Variants in GIPC2 observed in about 807,000 individuals in gnomAD.
GIPC2 encodes GIPC PDZ domain containing family member 2.
A neutral mutation model predicts 30.6 loss-of-function variants in GIPC2; 30 were observed. The observed-to-expected ratio is 0.98, with a 90% CI of 0.73 to 1.33. GIPC2 has a LOEUF of 1.33. Among genes scored for constraint, GIPC2 ranks in the 40% most tolerant of loss-of-function variants. The pLI is 0.00. For synonymous variants in GIPC2, 167 were observed against 150.0 expected (o/e 1.11, Z -0.83); for missense variants, 414 against 390.3 (o/e 1.06, Z -0.51).
intron 1 of GIPC2, among the ~76,000 whole-genome samples, chr1:78,074,967 A>G (rs1661688921): frequency 6.6e-6 from 1 of 152,234 alleles, no homozygotes; most frequent in South Asian, 2.1e-4. Flanking sequence ...ACAAGGCATA[A>G]TGATTCTATC....
At chr1:78,048,005 T>G (rs1165195384) in intron 1 of GIPC2, among the ~76,000 whole-genome samples, 1 of 152,222 alleles carries the variant, frequency 6.6e-6, no homozygotes, top group Non-Finnish European at 1.5e-5. Context: ...TTACAGATGG[T>G]CCTGGGTTTA....
At chr1:78,123,690 A>G (rs79557263) in intron 4 of GIPC2, among the ~76,000 whole-genome samples, 2,958 of 152,340 alleles carry the variant, frequency 0.019, 51 homozygotes, top group South Asian at 0.079. Context: ...TGGATGGAGA[A>G]GAGGTGATAG....
At chr1:78,093,286 C>G (rs1217448018) in intron 2 of GIPC2, among the ~76,000 whole-genome samples, 1 of 152,116 alleles carries the variant, frequency 6.6e-6, no homozygotes, top group Non-Finnish European at 1.5e-5. Context: ...TTGAGAAACT[C>G]TAGTTGTACT....
chr1:78,053,300 GT>G (rs1661227476), intron 1 of GIPC2, among the ~76,000 whole-genome samples: 2 of 152,112 alleles, frequency 1.3e-5, no homozygotes, highest in Non-Finnish European at 2.9e-5. Context: ...TTACAGATAG[GT>G]TTACTAAGAT....
Position 78,135,773 on chromosome 1 carries a change from C to G in GIPC2, c.*30C>G. On this transcript the variant is annotated 3_prime_UTR_variant, in exon 6 of 6. Coordinates refer to ENST00000370759, the MANE Select transcript of GIPC2 (RefSeq NM_017655.6). ...TACACTCCATCTCTGAAGAAACAAC[C>G]CATCGTTCTTTTTTTTCTCTTTTTT... 2 of 1,566,232 alleles carry G rather than the reference C, an allele frequency of 1.3e-6. No individual in the cohort carries two copies. Among genetic ancestry groups the G allele is most frequent in the Non-Finnish European group, 1.7e-6 (2 of 1,161,956 alleles).
intron 1 of GIPC2, 103 bp downstream of exon 1, chr1:78,046,437 GCGAAATC>G: frequency 9.0e-7 from 1 of 1,105,764 alleles, no homozygotes; most frequent in Non-Finnish European, 1.3e-6. Context: ...TTCCCGGAGC[GCGAAATC>G]CGATGCCGTG....
At chr1:78,118,628 G>A (rs1042506538) in intron 3 of GIPC2, among the ~76,000 whole-genome samples, 1 of 152,168 alleles carries the variant, frequency 6.6e-6, no homozygotes, top group South Asian at 2.1e-4. Context: ...TGTCTGCAGG[G>A]AATTCCTTCC....
In GIPC2 at chr1:78,060,761, C is replaced by T. The variant is rs545582222; in HGVS notation, c.240+14427C>T. On this transcript the variant is annotated intron_variant, in intron 1 of 5. Coordinates refer to ENST00000370759, the MANE Select transcript of GIPC2 (RefSeq NM_017655.6). ...AAAGATGTGGGCCACCCAGAACCAT[C>T]TATTGTAACCACTTTCTTTACTGTC... Among the ~76,000 whole-genome samples the T allele has an allele frequency of 2.0e-5, 3 of 151,810 alleles. No individual in the cohort carries two copies. The South Asian group carries it at 6.3e-4, about 32-fold the overall frequency.
intron 3 of GIPC2, among the ~76,000 whole-genome samples, chr1:78,103,734 C>T (rs1662293001): frequency 6.6e-6 from 1 of 152,098 alleles, no homozygotes; most frequent in African/African-American, 2.4e-5. Flanking sequence ...TTTATCTGAG[C>T]GCTGACTTGT....
chr1:78,123,716 G>C (rs140807985), intron 4 of GIPC2, among the ~76,000 whole-genome samples: 1 of 152,168 alleles, frequency 6.6e-6, no homozygotes, highest in Admixed American at 6.5e-5. Flanking sequence ...GATCTGTTCC[G>C]TAGCAAATAG....
chr1:78,045,706 G>A, upstream of GIPC2: 2 of 985,492 alleles, frequency 2.0e-6, no homozygotes, highest in Non-Finnish European at 2.4e-6. Context: ...CAAATCATGC[G>A]TGGGTGCCTA....
rs1300122222 is a variant in GIPC2 at position 78,099,443 on chromosome 1, C to CT, written c.607+4324dup. 7.0e-3 allele frequency among the ~76,000 whole-genome samples: 999 copies of CT among 143,470 alleles called. 14 individuals carry two copies. Among genetic ancestry groups the CT allele is most frequent in the African/African-American group, 0.022 (861 of 39,126 alleles). 94.1% of individuals were successfully genotyped at this position (143,470 alleles called of 152,430 possible). Reference sequence around the variant, plus strand: ...CTTTCTTTTCTTTTCTTTTCTCTTTCTTTTTTTTTTTTTGAGACGGAGTTT... The same window carrying CT: ...CTTTCTTTTCTTTTCTTTTCTCTTTCTTTTTTTTTTTTTTGAGACGGAGTTT... On this transcript the variant is annotated intron_variant, in intron 3 of 5. Transcript: ENST00000370759.
intron 1 of GIPC2, among the ~76,000 whole-genome samples, chr1:78,048,465 T>G (rs748227198): frequency 1.1e-4 from 16 of 151,940 alleles, no homozygotes; most frequent in African/African-American, 3.9e-4. Context: ...CTCACTCTGT[T>G]GCCCAGGCTG....
At chr1:78,103,194 G>A (rs1662283325) in intron 3 of GIPC2, among the ~76,000 whole-genome samples, 1 of 152,134 alleles carries the variant, frequency 6.6e-6, no homozygotes, top group Admixed American at 6.5e-5. Flanking sequence ...GGAACTTACA[G>A]TTTACATAAA....
intron 3 of GIPC2, among the ~76,000 whole-genome samples, chr1:78,113,393 C>T (rs1662508155): frequency 6.6e-6 from 1 of 151,958 alleles, no homozygotes; most frequent in Admixed American, 6.6e-5. Flanking sequence ...TTTTGTTTTT[C>T]TTTTCTTTTT....
chr1:78,080,002 C>T (rs1321010910), intron 1 of GIPC2, among the ~76,000 whole-genome samples: 1 of 152,034 alleles, frequency 6.6e-6, no homozygotes, highest in African/African-American at 2.4e-5. Flanking sequence ...GGCCCCCCTC[C>T]CCCCTTTTTA....
chr1:78,115,160 A>C (rs565676138), intron 3 of GIPC2, among the ~76,000 whole-genome samples: 2 of 151,822 alleles, frequency 1.3e-5, no homozygotes, highest in Non-Finnish European at 2.9e-5. Context: ...TAAGTCCCAG[A>C]AACCTTTTTA....
At chr1:78,110,036 G>T (rs1443672266) in intron 3 of GIPC2, among the ~76,000 whole-genome samples, 1 of 151,924 alleles carries the variant, frequency 6.6e-6, no homozygotes, top group African/African-American at 2.4e-5. Flanking sequence ...GGGGCCTGTT[G>T]TGGGGTGGGG....
intron 3 of GIPC2, among the ~76,000 whole-genome samples, chr1:78,096,302 A>G (rs1662135369): frequency 6.6e-6 from 1 of 152,222 alleles, no homozygotes; most frequent in Non-Finnish European, 1.5e-5. Flanking sequence ...AGATGGCTTC[A>G]TTTGGTAACC....
Sources: gnomAD v4.1 joint callset for allele counts (sites outside exome capture counted in the v4.1 genomes callset) on GRCh38, gnomAD v4.1.1 for gene constraint, MANE v1.5 for transcripts, NCBI Gene and HGNC (gene_info 2026-07-23, HGNC 2026-07-21) for gene names.